The following ATP8B4 variants were observed in gnomAD, a reference collection of about 807,000 sequenced individuals.
ATP8B4 encodes the protein ATPase phospholipid transporting 8B4 (putative).
A neutral mutation model predicts 145.6 loss-of-function variants in ATP8B4; 133 were observed. That is an observed-to-expected ratio of 0.91 (90% CI 0.79 to 1.05). The LOEUF is 1.05. ATP8B4 is among the 50% of genes least tolerant of loss of function. ATP8B4 has a pLI of 0.00. For synonymous variants in ATP8B4, 507 were observed against 492.9 expected, an observed-to-expected ratio of 1.03 and a Z score of -0.38; for missense variants, 1,458 against 1,425.2, an observed-to-expected ratio of 1.02 and a Z score of -0.37.
intron 7 of ATP8B4, among the ~76,000 whole-genome samples, chr15:50,003,365 C>T (rs1383319823): frequency 6.6e-6 from 1 of 150,828 alleles, no homozygotes; most frequent in African/African-American, 2.4e-5. Context: ...CCTGTGACGG[C>T]CCCTAAAAGA....
intron 1 of ATP8B4, among the ~76,000 whole-genome samples, chr15:50,159,897 T>C (rs770765574): frequency 7.2e-5 from 11 of 152,116 alleles, no homozygotes; most frequent in Non-Finnish European, 1.5e-4. Context: ...TGATGATTAC[T>C]GGCCTCCTAG....
intron 5 of ATP8B4, 34 bp from the exon 6 acceptor site, chr15:50,038,863 T>C (rs377239655): frequency 5.0e-5 from 79 of 1,582,568 alleles, no homozygotes; most frequent in Middle Eastern, 5.0e-4. Flanking sequence ...GAAAACACAT[T>C]ACAAGGTACT....
intron 8 of ATP8B4, among the ~76,000 whole-genome samples, chr15:49,997,046 T>G (rs1281342201): frequency 1.3e-5 from 2 of 152,164 alleles, no homozygotes; most frequent in African/African-American, 4.8e-5. Context: ...CATTTGAACC[T>G]ACTCAGACAT....
At position 50,171,137 on chromosome 15, in the gene ATP8B4, C is replaced by A. The variant is rs1411324731; in HGVS notation, c.-43+11124G>T. On this transcript the variant is annotated intron_variant, in intron 1 of 3. Transcript: ENST00000558829. ...GGGGACTTCAATACTCCACTGACAG[C>A]ACTAGACAGGTCATCAAGACAGAAA... Among the ~76,000 whole-genome samples the A allele has an allele frequency of 2.6e-5, 4 of 152,156 alleles. No homozygotes were observed. The East Asian group carries it at 7.7e-4, about 29-fold the overall frequency.
Position 49,987,534 on chromosome 15 carries a change from T to A in ATP8B4, c.605A>T (p.Glu202Val), listed in dbSNP as rs371250863. Residue 202 changes from glutamate (E) to valine (V), a missense_variant, in exon 10 of 28, where the codon GAG becomes GTG. By Grantham distance (121) the Glu-to-Val change is moderately radical. Coordinates refer to ENST00000284509, the MANE Select transcript of ATP8B4 (RefSeq NM_024837.4). ...TTTATCTAACTTGTTGTTAGGCACC[T>A]CACAGACAACAATCCCTGGAAAATA... Reference protein sequence around the residue: ...LAGFDGIVVCEVPNNKLDKFM... With the variant: ...LAGFDGIVVCVVPNNKLDKFM... 6.2e-7 allele frequency: 1 copy of A among 1,613,044 alleles called. No individual in the cohort carries two copies. The highest frequency in any genetic ancestry group is 1.3e-5 in the African/African-American group (1 of 74,874).
At chr15:50,072,968 CTCTCTCTCTCTCTATATA>C (rs2053888247) in intron 3 of ATP8B4, among the ~76,000 whole-genome samples, 7 of 32,928 alleles carry the variant, frequency 2.1e-4, no homozygotes, top group South Asian at 1.2e-3. Flanking sequence ...CTCTCTCTCT[CTCTCTCTCTCTCTATATA>C]TATATATATA....
rs1566918365 is a variant in ATP8B4, at chr15:49,879,429, A to AT, written c.2727_2728insA (p.Phe910IlefsTer2). The AT allele has an allele frequency of 2.5e-6, 4 of 1,612,896 alleles. No individual in the cohort carries two copies. The highest frequency in any genetic ancestry group is 3.4e-6 in the Non-Finnish European group (4 of 1,179,216). On this transcript the variant is annotated frameshift_variant, in exon 24 of 28. Transcript: ENST00000284509. LOFTEE classifies it high-confidence loss of function. ...GGCAGTGATGTGTAAACAATGTTAAAAAGGGTGATGAACCACTGGTCATAA... is the reference window on the plus strand; with the variant it reads ...GGCAGTGATGTGTAAACAATGTTAAATAAGGGTGATGAACCACTGGTCATAA...
chr15:49,960,650 CT>C (rs1567083757), intron 14 of ATP8B4, among the ~76,000 whole-genome samples: 1 of 152,076 alleles, frequency 6.6e-6, no homozygotes, highest in African/African-American at 2.4e-5. Context: ...AAGTGATAAA[CT>C]CAATTACATG....
At chr15:50,033,512 A>G (rs1025325748) in intron 6 of ATP8B4, among the ~76,000 whole-genome samples, 1 of 152,234 alleles carries the variant, frequency 6.6e-6, no homozygotes, top group African/African-American at 2.4e-5. Flanking sequence ...TCAGCTTTTT[A>G]AAATATTTAT....
chr15:50,092,292 C>T (rs2055661563), intron 2 of ATP8B4, among the ~76,000 whole-genome samples: 1 of 152,032 alleles, frequency 6.6e-6, no homozygotes, highest in Admixed American at 6.6e-5. Flanking sequence ...AGTAAATCCT[C>T]CTGAAGGAAG....
intron 23 of ATP8B4, among the ~76,000 whole-genome samples, chr15:49,894,338 G>A (rs1158390243): frequency 6.6e-6 from 1 of 152,178 alleles, no homozygotes; most frequent in African/African-American, 2.4e-5. Flanking sequence ...TCCAGTATAA[G>A]CTTTGGTCCC....
intron 7 of ATP8B4, among the ~76,000 whole-genome samples, chr15:50,003,148 T>C (rs933381708): frequency 2.0e-5 from 3 of 152,208 alleles, no homozygotes; most frequent in African/African-American, 7.2e-5. Context: ...TGTGATATTT[T>C]CTTACCTTTA....
At chr15:50,140,623 G>A (rs2044193371) in intron 1 of ATP8B4, among the ~76,000 whole-genome samples, 1 of 150,276 alleles carries the variant, frequency 6.7e-6, no homozygotes, top group Admixed American at 6.7e-5. Context: ...CCATAACATA[G>A]TTTCATTTGT....
chr15:49,924,653 T>C (rs1391185357), intron 16 of ATP8B4, among the ~76,000 whole-genome samples: 1 of 152,206 alleles, frequency 6.6e-6, no homozygotes, highest in East Asian at 1.9e-4. Flanking sequence ...TTATCTATTC[T>C]AGTTTCCTCC....
At chr15:49,883,904 A>G (rs2035820892) in intron 23 of ATP8B4, among the ~76,000 whole-genome samples, 1 of 152,186 alleles carries the variant, frequency 6.6e-6, no homozygotes, top group South Asian at 2.1e-4. Flanking sequence ...TTATGTATTT[A>G]CCCTTTCACC....
At chr15:50,081,335 C>A (rs562323644) in intron 2 of ATP8B4, among the ~76,000 whole-genome samples, 18 of 152,068 alleles carry the variant, frequency 1.2e-4, no homozygotes, top group Admixed American at 3.3e-4. Flanking sequence ...CAGAAAAATC[C>A]TTTTTTAAAA....
intron 17 of ATP8B4, 92 bp from the exon 18 acceptor site, chr15:49,920,502 T>C: frequency 7.3e-7 from 1 of 1,378,176 alleles, no homozygotes; most frequent in Non-Finnish European, 9.7e-7. Context: ...AATTTTTCAC[T>C]CAAATTCATT....
chr15:50,168,566 C>T (rs1334586121), intron 1 of ATP8B4, among the ~76,000 whole-genome samples: 1 of 152,140 alleles, frequency 6.6e-6, no homozygotes, highest in Non-Finnish European at 1.5e-5. Context: ...TCCTGCCTGA[C>T]ACCAAAGAGA....
chr15:50,149,572 GATA>G (rs1300599765), intron 1 of ATP8B4, among the ~76,000 whole-genome samples: 1 of 151,988 alleles, frequency 6.6e-6, no homozygotes, highest in Non-Finnish European at 1.5e-5. Flanking sequence ...TAATAATAAT[GATA>G]ATGATGATAA....
Sources: gnomAD v4.1 joint callset for allele counts (sites outside exome capture counted in the v4.1 genomes callset) on GRCh38, gnomAD v4.1.1 for gene constraint, MANE v1.5 for transcripts, NCBI Gene and HGNC (gene_info 2026-07-23, HGNC 2026-07-21) for gene names.